Variants in WDR7 observed in about 807,000 individuals in gnomAD.
WDR7 encodes the protein WD repeat domain 7.
WDR7 carries 46 observed loss-of-function variants against 169.4 expected under a neutral mutation model. The observed-to-expected ratio is 0.27, with a 90% CI of 0.21 to 0.35. The LOEUF (loss-of-function observed/expected upper bound fraction) is 0.35. Among genes scored for constraint, WDR7 ranks in the 10% least tolerant of loss-of-function variants. WDR7 has a pLI of 1.00. For missense variants in WDR7, 1,534 were observed against 1,859.3 expected (o/e 0.83, Z 3.22); for synonymous variants, 612 against 666.8 (o/e 0.92, Z 1.27).
intron 2 of WDR7, among the ~76,000 whole-genome samples, chr18:56,675,596 T>A (rs189465615): frequency 6.6e-6 from 1 of 151,830 alleles, no homozygotes; most frequent in Admixed American, 6.6e-5. Context: ...CTTCTAATAG[T>A]TTTTTAGTGG....
chr18:56,879,893 T>A (rs2046081006), intron 20 of WDR7, 51 bp from the exon 21 acceptor site: 1 of 1,453,174 alleles, frequency 6.9e-7, no homozygotes, highest in East Asian at 2.3e-5. Context: ...ATCATGTGTC[T>A]TTTTGTATAT....
chr18:56,675,075 C>T (rs911367208), intron 2 of WDR7, among the ~76,000 whole-genome samples: 1 of 152,144 alleles, frequency 6.6e-6, no homozygotes, highest in Non-Finnish European at 1.5e-5. Context: ...TACTCGCTGT[C>T]CTAATTACCG....
At chr18:56,673,535 T>G (rs1402923649) in intron 2 of WDR7, among the ~76,000 whole-genome samples, 1 of 152,068 alleles carries the variant, frequency 6.6e-6, no homozygotes, top group Non-Finnish European at 1.5e-5. Context: ...CCCTGTACCC[T>G]TTAAATGTCC....
chr18:56,950,412 C>T (rs776590054), intron 25 of WDR7, among the ~76,000 whole-genome samples: 20 of 152,136 alleles, frequency 1.3e-4, no homozygotes, highest in Non-Finnish European at 2.6e-4. Flanking sequence ...ATTGCTTTTG[C>T]ACCATCAGTG....
intron 21 of WDR7, among the ~76,000 whole-genome samples, chr18:56,906,028 T>C (rs2046471659): frequency 3.0e-5 from 3 of 99,132 alleles, no homozygotes; most frequent in African/African-American, 9.6e-5. Flanking sequence ...AATGATGGAA[T>C]ATAATCATTT....
In WDR7 at chr18:56,754,287, A is replaced by G. The variant is rs373544846; in HGVS notation, c.1990-2296A>G. Reference sequence around the variant, plus strand: ...TGTGTGTGTGTGTGTGTGTGTGTGTATATGTGTGTGTGTGTATGTATATAC... The same window carrying G: ...TGTGTGTGTGTGTGTGTGTGTGTGTGTATGTGTGTGTGTGTATGTATATAC... On this transcript the variant is annotated intron_variant, in intron 14 of 27. Coordinates refer to ENST00000254442, the MANE Select transcript of WDR7 (RefSeq NM_015285.3). 4.4e-3 allele frequency among the ~76,000 whole-genome samples: 426 copies of G among 95,930 alleles called. 2 individuals are homozygous for G. Among genetic ancestry groups the G allele is most frequent in the African/African-American group, 8.4e-3 (222 of 26,388 alleles). The allele number at this position is 95,930 out of a possible 152,430, so 62.9% of individuals were successfully genotyped here.
intron 25 of WDR7, among the ~76,000 whole-genome samples, chr18:56,942,281 C>T (rs2047044715): frequency 6.6e-6 from 1 of 151,938 alleles, no homozygotes; most frequent in African/African-American, 2.4e-5. Context: ...GCGAGGTGTT[C>T]TTTTGGGGGA....
intron 13 of WDR7, among the ~76,000 whole-genome samples, chr18:56,724,688 A>C (rs1293146632): frequency 6.6e-6 from 1 of 151,612 alleles, no homozygotes; most frequent in Non-Finnish European, 1.5e-5. Context: ...TCTAGGGTAC[A>C]TGTGCAAAAT....
intron 20 of WDR7, among the ~76,000 whole-genome samples, chr18:56,857,371 G>C (rs185906855): frequency 1.3e-5 from 2 of 152,094 alleles, no homozygotes; most frequent in Admixed American, 1.3e-4. Context: ...CGATCCTTCC[G>C]CCTCAGCCTC....
At chr18:56,778,114 T>C (rs1017158456) in intron 17 of WDR7, among the ~76,000 whole-genome samples, 1 of 152,188 alleles carries the variant, frequency 6.6e-6, no homozygotes, top group African/African-American at 2.4e-5. Flanking sequence ...AGTTATAATC[T>C]AAAATGTGTT....
At chr18:56,749,265 A>G (rs2043750901) in intron 14 of WDR7, among the ~76,000 whole-genome samples, 1 of 152,118 alleles carries the variant, frequency 6.6e-6, no homozygotes, top group African/African-American at 2.4e-5. Flanking sequence ...AAAATTATTC[A>G]GAACATGCAA....
intron 14 of WDR7, among the ~76,000 whole-genome samples, chr18:56,734,538 A>G (rs2026655996): frequency 6.6e-6 from 1 of 151,812 alleles, no homozygotes; most frequent in Non-Finnish European, 1.5e-5. Flanking sequence ...AAAAAAAAAA[A>G]AAAGCTTGAA....
At chr18:56,985,470 G>T (rs1313445966) in intron 26 of WDR7, among the ~76,000 whole-genome samples, 1 of 152,122 alleles carries the variant, frequency 6.6e-6, no homozygotes, top group South Asian at 2.1e-4. Flanking sequence ...AGGAGGTGGG[G>T]GAAGTTGAAG....
chr18:56,889,670 C>G (rs1019376930), intron 21 of WDR7, among the ~76,000 whole-genome samples: 2 of 152,288 alleles, frequency 1.3e-5, no homozygotes, highest in Admixed American at 1.3e-4. Context: ...TGTGTTCTAA[C>G]TCTAAAGCAG....
intron 20 of WDR7, among the ~76,000 whole-genome samples, chr18:56,868,338 A>G (rs2045910098): frequency 6.6e-6 from 1 of 152,184 alleles, no homozygotes; most frequent in African/African-American, 2.4e-5. Context: ...ATGGCTCAGA[A>G]GTAGAGCAAG....
intron 20 of WDR7, among the ~76,000 whole-genome samples, chr18:56,851,946 G>C (rs1031200523): frequency 2.0e-5 from 3 of 152,166 alleles, no homozygotes; most frequent in African/African-American, 7.2e-5. Flanking sequence ...TTGGTAGATA[G>C]TGCTGTTGAA....
chr18:56,832,223 G>C (rs904363037), intron 20 of WDR7, among the ~76,000 whole-genome samples: 1 of 152,196 alleles, frequency 6.6e-6, no homozygotes, highest in African/African-American at 2.4e-5. Context: ...CAAAGCTTCC[G>C]GAAGCTTGGA....
intron 20 of WDR7, chr18:56,872,820 T>G (rs1291642876): frequency 6.6e-6 from 1 of 152,114 alleles, no homozygotes; most frequent in East Asian, 1.9e-4. Flanking sequence ...AATACCAAAT[T>G]TTCATGAGAC....
chr18:56,891,884 G>C (rs982082890), intron 21 of WDR7, among the ~76,000 whole-genome samples: 1 of 152,034 alleles, frequency 6.6e-6, no homozygotes. Flanking sequence ...ATGAATTTCT[G>C]TATGTTTATT....
Sources: gnomAD v4.1 joint callset for allele counts (sites outside exome capture counted in the v4.1 genomes callset) on GRCh38, gnomAD v4.1.1 for gene constraint, MANE v1.5 for transcripts, NCBI Gene and HGNC (gene_info 2026-07-23, HGNC 2026-07-21) for gene names.